Variants in CXCL13 observed in about 807,000 individuals in gnomAD.
CXCL13 encodes the protein C-X-C motif chemokine 13.
Under a neutral mutation model 12.2 loss-of-function variants are expected in CXCL13, and 7 were observed. The ratio of observed to expected loss-of-function variants is 0.57; its 90% CI spans 0.33 to 1.07. The LOEUF (loss-of-function observed/expected upper bound fraction) is 1.07, where lower values mean the gene tolerates loss of function less well. CXCL13 is among the 50% of genes least tolerant of loss of function. The pLI is 0.04. For missense variants in CXCL13, 113 were observed against 127.4 expected, an observed-to-expected ratio of 0.89 and a Z score of 0.55; for synonymous variants, 47 against 42.4, an observed-to-expected ratio of 1.11 and a Z score of -0.42.
At chr4:77,559,022 A>G (rs550641674) in intron 1 of CXCL13, among the ~76,000 whole-genome samples, 3 of 152,260 alleles carry the variant, frequency 2.0e-5, no homozygotes, top group African/African-American at 7.2e-5. Context: ...TATTTCTCCA[A>G]TGTCAGATAT....
chr4:77,522,203 A>T (rs1253880694), intron 1 of CXCL13, among the ~76,000 whole-genome samples: 1 of 151,998 alleles, frequency 6.6e-6, no homozygotes, highest in East Asian at 1.9e-4. Flanking sequence ...TGGGGTGGAG[A>T]GTTCTGTAGA....
chr4:77,558,642 C>T (rs549121572), intron 1 of CXCL13, among the ~76,000 whole-genome samples: 7 of 152,140 alleles, frequency 4.6e-5, no homozygotes, highest in South Asian at 2.1e-4. Context: ...AATGCGCCAC[C>T]GCACTCAGCT....
intron 1 of CXCL13, among the ~76,000 whole-genome samples, chr4:77,534,129 G>A (rs1373491932): frequency 6.6e-6 from 1 of 152,198 alleles, no homozygotes; most frequent in Non-Finnish European, 1.5e-5. Context: ...CGTTGCTCAT[G>A]CTGGGAGCTG....
chr4:77,539,253 G>A (rs1192893663), intron 1 of CXCL13, among the ~76,000 whole-genome samples: 1 of 152,030 alleles, frequency 6.6e-6, no homozygotes, highest in Non-Finnish European at 1.5e-5. Context: ...GAAGGGACTG[G>A]CCAATTAATT....
chr4:77,607,880 A>G (rs1727030597), intron 2 of CXCL13, 45 bp downstream of exon 2: 1 of 1,572,680 alleles, frequency 6.4e-7, no homozygotes. Context: ...TCTCCCAATG[A>G]AATCAGATCA....
At chr4:77,536,899 AG>A (rs1560518620) in intron 1 of CXCL13, among the ~76,000 whole-genome samples, 1 of 152,162 alleles carries the variant, frequency 6.6e-6, no homozygotes, top group Non-Finnish European at 1.5e-5. Flanking sequence ...TATGAACTAG[AG>A]GTGTGATCTG....
chr4:77,563,923 G>C (rs1725869949), intron 1 of CXCL13, among the ~76,000 whole-genome samples: 1 of 152,146 alleles, frequency 6.6e-6, no homozygotes, highest in South Asian at 2.1e-4. Flanking sequence ...ATCTCATCCT[G>C]TCTGTGGCAT....
chr4:77,525,915 G>GT (rs1560515071), intron 1 of CXCL13, among the ~76,000 whole-genome samples: 2 of 138,448 alleles, frequency 1.4e-5, no homozygotes, highest in African/African-American at 3.0e-5. Flanking sequence ...TTAAATTGTG[G>GT]GTTTGTTTTT....
At chr4:77,532,968 G>A (rs141289334) in intron 1 of CXCL13, among the ~76,000 whole-genome samples, 7,790 of 152,028 alleles carry the variant, frequency 0.051, 623 homozygotes, top group African/African-American at 0.18. Context: ...TAACTTCTTT[G>A]CCATGGGTTT....
intron 1 of CXCL13, among the ~76,000 whole-genome samples, chr4:77,579,373 G>A (rs200870476): frequency 1.3e-5 from 2 of 152,182 alleles, no homozygotes; most frequent in East Asian, 3.8e-4. Flanking sequence ...TGCTGCTGTT[G>A]CTCACCCCAC....
intron 1 of CXCL13, among the ~76,000 whole-genome samples, chr4:77,566,601 T>C (rs981463105): frequency 6.6e-6 from 1 of 152,202 alleles, no homozygotes; most frequent in Non-Finnish European, 1.5e-5. Flanking sequence ...AATGTGAGTA[T>C]TGAGGCTCTT....
At chr4:77,556,079 T>A (rs1725650480) in intron 1 of CXCL13, among the ~76,000 whole-genome samples, 1 of 152,208 alleles carries the variant, frequency 6.6e-6, no homozygotes, top group Non-Finnish European at 1.5e-5. Flanking sequence ...CTGCCATGTA[T>A]CTGTCAATTC....
chr4:77,517,730 C>G (rs1288600848), intron 1 of CXCL13, among the ~76,000 whole-genome samples: 1 of 152,186 alleles, frequency 6.6e-6, no homozygotes, highest in Non-Finnish European at 1.5e-5. Context: ...TTCCCGAATA[C>G]AACACACTGA....
chr4:77,515,899 A>T (rs1314545188), intron 1 of CXCL13, among the ~76,000 whole-genome samples: 1 of 152,174 alleles, frequency 6.6e-6, no homozygotes, highest in African/African-American at 2.4e-5. Flanking sequence ...TTTCAAAGGG[A>T]ATGCTTCCAG....
chr4:77,527,886 G>A (rs959104123), intron 1 of CXCL13, among the ~76,000 whole-genome samples: 3 of 151,862 alleles, frequency 2.0e-5, no homozygotes, highest in East Asian at 1.9e-4. Flanking sequence ...CCATCAACTC[G>A]TCATTTAACA....
chr4:77,528,993 A>C (rs945072983), intron 1 of CXCL13, among the ~76,000 whole-genome samples: 7 of 152,216 alleles, frequency 4.6e-5, no homozygotes, highest in Admixed American at 6.5e-5. Context: ...AGCTTTCTAC[A>C]TATGGCTAGC....
At chr4:77,555,656 A>C (rs1052772435) in intron 1 of CXCL13, among the ~76,000 whole-genome samples, 6 of 152,122 alleles carry the variant, frequency 3.9e-5, no homozygotes, top group African/African-American at 1.4e-4. Flanking sequence ...AATAATATTA[A>C]ACATTCCATA....
At chr4:77,539,283 A>G (rs1219724894) in intron 1 of CXCL13, among the ~76,000 whole-genome samples, 1 of 151,942 alleles carries the variant, frequency 6.6e-6, no homozygotes, top group Non-Finnish European at 1.5e-5. Flanking sequence ...AAAACTACAC[A>G]CCCAGCTAAT....
intron 1 of CXCL13, among the ~76,000 whole-genome samples, chr4:77,562,207 A>G (rs1390063309): frequency 0.01 from 381 of 37,938 alleles, 3 homozygotes; most frequent in African/African-American, 0.038. Flanking sequence ...CGCCCCGCCT[A>G]CAGCCACCCC....
Sources: gnomAD v4.1 joint callset for allele counts (sites outside exome capture counted in the v4.1 genomes callset) on GRCh38, gnomAD v4.1.1 for gene constraint, MANE v1.5 for transcripts, NCBI Gene and HGNC (gene_info 2026-07-23, HGNC 2026-07-21) for gene names.